TRIM55: variants seen among roughly 807,000 people sequenced by gnomAD.
The protein encoded by TRIM55 is tripartite motif-containing protein 55.
Under a neutral mutation model 60.9 loss-of-function variants are expected in TRIM55, and 50 were observed. The ratio of observed to expected loss-of-function variants is 0.82; its 90% CI spans 0.65 to 1.04. The LOEUF (loss-of-function observed/expected upper bound fraction) is 1.04. TRIM55 is among the 50% of genes least tolerant of loss of function. The probability of loss-of-function intolerance (pLI) is 0.00; values close to 1 mark genes in which losing one functional copy is unlikely to be tolerated. For synonymous variants in TRIM55, 237 were observed against 238.1 expected (o/e 1.00, Z 0.04); for missense variants, 681 against 666.9 (o/e 1.02, Z -0.23).
At chr8:66,151,748 G>A (rs952795909) in intron 7 of TRIM55, among the ~76,000 whole-genome samples, 4 of 152,050 alleles carry the variant, frequency 2.6e-5, no homozygotes, top group African/African-American at 9.7e-5. Context: ...AGAGGCAGAG[G>A]CAGGAGAATC....
intron 8 of TRIM55, among the ~76,000 whole-genome samples, chr8:66,152,903 T>TTGTG (rs59283692): frequency 0.048 from 6,802 of 140,278 alleles, 249 homozygotes; most frequent in African/African-American, 0.11. Context: ...TGTCTGGAAA[T>TTGTG]TGTGTGTGTG....
At chr8:66,125,927 T>C (rs775617322), upstream of TRIM55, among the ~76,000 whole-genome samples, 1 of 152,240 alleles carries the variant, frequency 6.6e-6, no homozygotes, top group Non-Finnish European at 1.5e-5. Context: ...ATTTATCACA[T>C]ATAAACAGAC....
chr8:66,172,911 C>CATGCCCAGGTCATT (rs1811723122), intron 9 of TRIM55, among the ~76,000 whole-genome samples: 1 of 152,072 alleles, frequency 6.6e-6, no homozygotes, highest in Non-Finnish European at 1.5e-5. Context: ...TTTGGGCTTT[C>CATGCCCAGGTCATT]GGGGTTTTTT....
chr8:66,114,212 G>A, the TRIM55 span, among the ~76,000 whole-genome samples: 2 of 152,090 alleles, frequency 1.3e-5, no homozygotes, highest in Admixed American at 6.6e-5. Flanking sequence ...AAATGGTAGA[G>A]CGCTCGCTTA....
chr8:66,164,027 A>G (rs1452164945), intron 9 of TRIM55, among the ~76,000 whole-genome samples: 4 of 152,010 alleles, frequency 2.6e-5, no homozygotes, highest in Non-Finnish European at 5.9e-5. Context: ...TTTTAAAGCA[A>G]AACTTGTCTA....
At chr8:66,118,398 CT>C in the TRIM55 span, among the ~76,000 whole-genome samples, 1 of 151,830 alleles carries the variant, frequency 6.6e-6, no homozygotes, top group Middle Eastern at 3.2e-3. Context: ...AAGTTCATTT[CT>C]TTTTGATTTT....
chr8:66,115,560 G>A, the TRIM55 span, among the ~76,000 whole-genome samples: 1 of 152,158 alleles, frequency 6.6e-6, no homozygotes, highest in South Asian at 2.1e-4. Flanking sequence ...ACCCAGTGGA[G>A]GACACACGTT....
chr8:66,158,958 CAGGATGT>C (rs1810899244), intron 9 of TRIM55, among the ~76,000 whole-genome samples: 2 of 152,162 alleles, frequency 1.3e-5, no homozygotes, highest in Admixed American at 1.3e-4. Flanking sequence ...AGAGCAAAGA[CAGGATGT>C]ACACAGCAGA....
At chr8:66,149,099 G>T (rs1435242116) in intron 4 of TRIM55, among the ~76,000 whole-genome samples, 1 of 152,134 alleles carries the variant, frequency 6.6e-6, no homozygotes, top group Non-Finnish European at 1.5e-5. Context: ...ACTGTACTCT[G>T]AGAAAATTAA....
the TRIM55 span, among the ~76,000 whole-genome samples, chr8:66,115,726 T>G: frequency 3.3e-5 from 5 of 152,250 alleles, no homozygotes; most frequent in Non-Finnish European, 7.3e-5. Flanking sequence ...TGGCCTTTCT[T>G]GGCTTTGCTA....
At position 66,152,596 on chromosome 8, in the gene TRIM55, T is replaced by A. The variant is rs771711351; in HGVS notation, c.1205T>A (p.Leu402Gln). Residue 402 changes from leucine (L) to glutamine (Q), a missense_variant, in exon 8 of 10, where the codon CTG (leucine) becomes CAG (glutamine). Leu to Gln is a moderately radical substitution (Grantham distance 113, BLOSUM62 -2). Coordinates refer to ENST00000315962, the MANE Select transcript of TRIM55 (RefSeq NM_184085.2). Reference sequence around the variant, plus strand: ...TCCTCTCCAGAGCCACCTCCAGCCCTGCCACCTGCTGCGGATGCCCCTGTG... The same window carrying A: ...TCCTCTCCAGAGCCACCTCCAGCCCAGCCACCTGCTGCGGATGCCCCTGTG... ...PVSSPEPPPA[L>Q]PPAADAPVTQ... 3 of 1,614,076 alleles carry A rather than the reference T, an allele frequency of 1.9e-6. No homozygotes were observed. The Admixed American group carries it at 5.0e-5, about 27-fold the overall frequency.
the TRIM55 span, among the ~76,000 whole-genome samples, chr8:66,117,089 A>G: frequency 2.6e-5 from 4 of 152,274 alleles, no homozygotes; most frequent in Admixed American, 6.5e-5. Context: ...ACCAAAGTCA[A>G]CATCCATTCC....
At chr8:66,118,664 A>C in the TRIM55 span, among the ~76,000 whole-genome samples, 1 of 152,336 alleles carries the variant, frequency 6.6e-6, no homozygotes, top group South Asian at 2.1e-4. Context: ...TCTAAGCCAA[A>C]TAATGGTTAG....
At chr8:66,117,341 G>A in the TRIM55 span, among the ~76,000 whole-genome samples, 2 of 152,222 alleles carry the variant, frequency 1.3e-5, no homozygotes, top group Non-Finnish European at 2.9e-5. Flanking sequence ...AACTGTCTCT[G>A]TACGCACATC....
chr8:66,126,960 T>C, upstream of TRIM55: 1 of 248,986 alleles, frequency 4.0e-6, no homozygotes, highest in South Asian at 9.6e-5. Flanking sequence ...ATGGGGTTTG[T>C]AATCCTCCTT....
At chr8:66,135,224 A>T (rs1809413925) in intron 3 of TRIM55, 69 bp downstream of exon 3, 15 of 1,556,690 alleles carry the variant, frequency 9.6e-6, no homozygotes, top group Non-Finnish European at 1.2e-5. Context: ...TCCTGGGGCC[A>T]GTGTGAGTGG....
chr8:66,164,927 G>A (rs1811239630), intron 9 of TRIM55, among the ~76,000 whole-genome samples: 1 of 132,988 alleles, frequency 7.5e-6, no homozygotes, highest in Non-Finnish European at 1.6e-5. Context: ...AAATGGGAAG[G>A]AGGAAAGAAG....
chr8:66,160,558 C>G lies in TRIM55; in HGVS notation c.1524+6224C>G, dbSNP rs1447587172. ...ATACCCAGTAGTGGTATTGCTGGAT[C>G]AAATGGTAGATCTACTTTTAGTTCT... On this transcript the variant is annotated intron_variant, in intron 9 of 9. Coordinates refer to ENST00000315962, the MANE Select transcript of TRIM55 (RefSeq NM_184085.2). 2.0e-5 allele frequency among the ~76,000 whole-genome samples: 3 copies of G among 152,108 alleles called. No individual in the cohort carries two copies. The East Asian group carries it at 5.8e-4, about 29-fold the overall frequency.
At chr8:66,174,185 C>A (rs1811793517) in intron 9 of TRIM55, among the ~76,000 whole-genome samples, 1 of 150,106 alleles carries the variant, frequency 6.7e-6, no homozygotes, top group South Asian at 2.1e-4. Context: ...AAAAAAAAAA[C>A]TAGAATAGCC....
Sources: allele counts gnomAD v4.1 joint callset (sites outside exome capture counted in the v4.1 genomes callset), GRCh38; gene constraint gnomAD v4.1.1; transcripts MANE v1.5; gene names NCBI Gene and HGNC (gene_info 2026-07-23, HGNC 2026-07-21).